The following LGR4 variants were observed in gnomAD, a reference collection of about 807,000 sequenced individuals.
The protein encoded by LGR4 is leucine rich repeat containing G protein-coupled receptor 4, also known as leucine-rich repeat-containing G protein-coupled receptor 4.
In LGR4, 44 loss-of-function variants were observed where a neutral mutation model predicts 84.8. That is an observed-to-expected ratio of 0.52 (90% confidence interval 0.41 to 0.67). The LOEUF (loss-of-function observed/expected upper bound fraction) is 0.67. Ranked by LOEUF, LGR4 falls within the 30% of genes least tolerant of loss-of-function variation. The pLI, the probability that LGR4 is intolerant of heterozygous loss-of-function variation, is 0.00. For synonymous variants in LGR4, 429 were observed against 434.3 expected, an observed-to-expected ratio of 0.99 and a Z score of 0.15; for missense variants, 1,032 against 1,131.4, an observed-to-expected ratio of 0.91 and a Z score of 1.26.
At position 27,387,922 on chromosome 11, in the gene LGR4, A is replaced by T. The variant is rs548292201; in HGVS notation, c.402-2454T>A. Among the ~76,000 whole-genome samples, 516 of 152,300 alleles carry T rather than the reference A, an allele frequency of 3.4e-3. 5 individuals carry two copies. The highest frequency in any genetic ancestry group is 0.01 in the Admixed American group (159 of 15,270). On this transcript the variant is annotated intron_variant, in intron 4 of 17. Coordinates refer to ENST00000379214, the MANE Select transcript of LGR4 (RefSeq NM_018490.5). ...TAATATAAATTCAGTACTGTATACAACCGTTAAACTCTTGTGAATTCTGTG... is the reference window on the plus strand; with the variant it reads ...TAATATAAATTCAGTACTGTATACATCCGTTAAACTCTTGTGAATTCTGTG...
intron 1 of LGR4, among the ~76,000 whole-genome samples, chr11:27,447,088 G>T (rs537485271): frequency 6.6e-6 from 1 of 151,898 alleles, no homozygotes; most frequent in Non-Finnish European, 1.5e-5. Flanking sequence ...TAATGTAAAC[G>T]ACAAGTTAAC....
At chr11:27,464,768 G>A (rs1864747021) in intron 1 of LGR4, among the ~76,000 whole-genome samples, 1 of 152,080 alleles carries the variant, frequency 6.6e-6, no homozygotes, top group African/African-American at 2.4e-5. Flanking sequence ...TAGAGAGAAT[G>A]TAACTTGTTA....
At position 27,373,426 on chromosome 11, in the gene LGR4, G is replaced by A. The variant is rs768687001; in HGVS notation, c.1379+125C>T. The A allele has an allele frequency of 2.4e-4, 215 of 889,320 alleles. 1 individual carries two copies. The Middle Eastern group carries it at 8.2e-3, about 34-fold the overall frequency. 55.1% of individuals were successfully genotyped at this position (889,320 alleles called of 1,614,324 possible). On this transcript the variant is annotated intron_variant, in intron 15 of 17. Transcript: ENST00000379214. ...TTTCACCAAATTTGCAAAGACTGAC[G>A]TAGAAAACACCCTTAAATTATAGCC...
Position 27,373,609 on chromosome 11 carries a change from G to A in LGR4, c.1321C>T (p.Leu441Phe). The A allele has an allele frequency of 6.2e-7, 1 of 1,603,168 alleles. No individual in the cohort carries two copies. Among genetic ancestry groups the A allele is most frequent in the Non-Finnish European group, 8.5e-7 (1 of 1,173,176 alleles). ...EGLNGLNQLK[L>F]VGNFKLKEAL... is the part of the protein sequence containing the mutation. ...TCTTTCAGCTTGAAGTTGCCCACAA[G>A]TTTCAGTTGATTTAGCCCATTCAGG... Residue 441 changes from leucine (L) to phenylalanine (F), a missense_variant, in exon 15 of 18, where the codon CTT becomes TTT. By Grantham distance (22) the Leu-to-Phe change is conservative. Transcript: ENST00000379214.
chr11:27,406,244 T>A (rs1227432449), intron 2 of LGR4, among the ~76,000 whole-genome samples: 3 of 152,100 alleles, frequency 2.0e-5, no homozygotes, highest in African/African-American at 7.2e-5. Context: ...GAGTATACTA[T>A]CCCTCTCCCT....
chr11:27,454,957 T>A (rs1385799235), intron 1 of LGR4, among the ~76,000 whole-genome samples: 1 of 152,186 alleles, frequency 6.6e-6, no homozygotes, highest in Non-Finnish European at 1.5e-5. Context: ...TAAATGTTAA[T>A]ATTAAATTAA....
At chr11:27,405,073 T>G (rs764063897) in intron 2 of LGR4, among the ~76,000 whole-genome samples, 7 of 152,114 alleles carry the variant, frequency 4.6e-5, no homozygotes, top group Non-Finnish European at 8.8e-5. Context: ...TTAACCACTC[T>G]CCAAAAACCA....
intron 17 of LGR4, among the ~76,000 whole-genome samples, chr11:27,369,836 C>A (rs1024167503): frequency 6.6e-6 from 1 of 152,104 alleles, no homozygotes; most frequent in Non-Finnish European, 1.5e-5. Context: ...GTATAATTAT[C>A]CCCATTTTTC....
At chr11:27,468,232 T>C (rs1864815198) in intron 1 of LGR4, among the ~76,000 whole-genome samples, 2 of 152,198 alleles carry the variant, frequency 1.3e-5, no homozygotes, top group Admixed American at 6.5e-5. Flanking sequence ...AACCTGCTCA[T>C]GTACAGGATA....
At position 27,465,754 on chromosome 11, in the gene LGR4, G is replaced by A. The variant is rs1392379673; in HGVS notation, c.185+6364C>T. Among the ~76,000 whole-genome samples the A allele has an allele frequency of 3.3e-5, 5 of 152,276 alleles. No individual in the cohort carries two copies. In the South Asian group the frequency reaches 1.0e-3, roughly 32 times the overall value. Reference sequence around the variant, plus strand: ...TCACACAATTTTAGACAATAGAGTTGACACCTAGCATACAGTGTGACCATC... The same window carrying A: ...TCACACAATTTTAGACAATAGAGTTAACACCTAGCATACAGTGTGACCATC... On this transcript the variant is annotated intron_variant, in intron 1 of 17. Coordinates refer to ENST00000379214, the MANE Select transcript of LGR4 (RefSeq NM_018490.5).
At chr11:27,420,593 CAATT>C in intron 1 of LGR4, among the ~76,000 whole-genome samples, 1 of 151,994 alleles carries the variant, frequency 6.6e-6, no homozygotes, top group Admixed American at 6.6e-5. Flanking sequence ...ATGTTCATAA[CAATT>C]ATTTAGATTT....
At chr11:27,385,505 T>A (rs1863171727) in intron 4 of LGR4, 37 bp from the exon 5 acceptor site, 1 of 1,404,032 alleles carries the variant, frequency 7.1e-7, no homozygotes, top group Admixed American at 1.9e-5. Context: ...CAGTAACAAA[T>A]TCTAGTGAAA....
chr11:27,417,153 T>C (rs566388217), intron 1 of LGR4, among the ~76,000 whole-genome samples: 4 of 152,172 alleles, frequency 2.6e-5, no homozygotes, highest in Admixed American at 6.5e-5. Context: ...TACTACTATA[T>C]TGTTAATTTT....
At chr11:27,427,146 T>G (rs1864036500) in intron 1 of LGR4, among the ~76,000 whole-genome samples, 1 of 152,180 alleles carries the variant, frequency 6.6e-6, no homozygotes, top group African/African-American at 2.4e-5. Flanking sequence ...ATTTATAACA[T>G]GGAATTCTGG....
At chr11:27,423,132 TA>T (rs1231295209) in intron 1 of LGR4, among the ~76,000 whole-genome samples, 1 of 152,156 alleles carries the variant, frequency 6.6e-6, no homozygotes, top group Non-Finnish European at 1.5e-5. Flanking sequence ...TACACTCCAG[TA>T]AATCCCTCCT....
chr11:27,391,268 T>C, intron 3 of LGR4, 103 bp from the exon 4 acceptor site: 1 of 587,162 alleles, frequency 1.7e-6, no homozygotes, highest in Non-Finnish European at 3.0e-6. Flanking sequence ...ATATTTCCAA[T>C]GGGAAAATGG....
chr11:27,412,862 TG>T lies in LGR4; in HGVS notation c.186-3del. The T allele has an allele frequency of 6.3e-7, 1 of 1,587,846 alleles. No homozygotes were observed. Among genetic ancestry groups the T allele is most frequent in the Non-Finnish European group, 8.6e-7 (1 of 1,157,086 alleles). ...GTAATGTTGTTCATACTGATATCCC[TG>T]GAAAACGTAAAGTTAAGAATATTGT... On this transcript the variant is annotated splice_region_variant and splice_polypyrimidine_tract_variant and intron_variant, in intron 1 of 17. Coordinates refer to ENST00000379214, the MANE Select transcript of LGR4 (RefSeq NM_018490.5).
chr11:27,472,067 G>T, intron 1 of LGR4, 51 bp downstream of exon 1: 1 of 813,258 alleles, frequency 1.2e-6, no homozygotes, highest in Non-Finnish European at 1.6e-6. Context: ...GGCGCCCCCC[G>T]CTGGGCCCCG....
intron 11 of LGR4, among the ~76,000 whole-genome samples, chr11:27,378,133 ATTG>A (rs1863023820): frequency 2.0e-5 from 3 of 152,140 alleles, no homozygotes; most frequent in South Asian, 4.1e-4. Flanking sequence ...ATGTATTCCT[ATTG>A]TTAAGTGGAT....
Sources: gnomAD v4.1 joint callset for allele counts (sites outside exome capture counted in the v4.1 genomes callset) on GRCh38, gnomAD v4.1.1 for gene constraint, MANE v1.5 for transcripts, NCBI Gene and HGNC (gene_info 2026-07-23, HGNC 2026-07-21) for gene names.